Variants in PXDNL observed in about 807,000 individuals in gnomAD.
PXDNL encodes peroxidasin like.
A neutral mutation model predicts 150.8 loss-of-function variants in PXDNL; 145 were observed. The ratio of observed to expected loss-of-function variants is 0.96; its 90% CI spans 0.84 to 1.10. PXDNL has a LOEUF of 1.10. Among genes scored for constraint, PXDNL ranks in the 50% least tolerant of loss-of-function variants. PXDNL has a pLI of 0.00. For missense variants in PXDNL, 2,087 were observed against 1,873.9 expected, an observed-to-expected ratio of 1.11 and a Z score of -2.10; for synonymous variants, 757 against 725.7, an observed-to-expected ratio of 1.04 and a Z score of -0.69.
intron 2 of PXDNL, among the ~76,000 whole-genome samples, chr8:51,598,946 T>C (rs72638055): frequency 0.027 from 4,154 of 152,268 alleles, 92 homozygotes; most frequent in Non-Finnish European, 0.042. Context: ...ATTTCAATTT[T>C]TTCCTGATTC....
intron 21 of PXDNL, among the ~76,000 whole-genome samples, chr8:51,327,644 C>A (rs182222377): frequency 1.3e-5 from 2 of 152,236 alleles, no homozygotes; most frequent in Non-Finnish European, 1.5e-5. Flanking sequence ...GCCCATAAAC[C>A]TGAAGAACCA....
chr8:51,426,717 C>G lies in PXDNL; in HGVS notation c.1567G>C (p.Glu523Gln), dbSNP rs771011375. The G allele has an allele frequency of 2.5e-6, 4 of 1,606,554 alleles. No individual in the cohort carries two copies. Among genetic ancestry groups the G allele is most frequent in the Admixed American group, 3.4e-5 (2 of 59,104 alleles). ...GAAATGTTTATATTCTTTCCAACCTCGACACTTGTATCCTGAGGAAGTTGA... is the reference window on the plus strand; with the variant it reads ...GAAATGTTTATATTCTTTCCAACCTGGACACTTGTATCCTGAGGAAGTTGA... ...FTQLPQDTSVEVGKNINISCH... is the reference protein window; with the variant it reads ...FTQLPQDTSVQVGKNINISCH... Residue 523 changes from glutamate (E) to glutamine (Q), a missense_variant, in exon 13 of 23, where the codon GAG becomes CAG. Coordinates refer to ENST00000356297, the MANE Select transcript of PXDNL (RefSeq NM_144651.5).
chr8:51,415,060 G>A (rs927385044), intron 14 of PXDNL, among the ~76,000 whole-genome samples: 7 of 148,950 alleles, frequency 4.7e-5, no homozygotes, highest in East Asian at 1.9e-4. Flanking sequence ...CTTCTTTGGC[G>A]GGGGGGAGAT....
At chr8:51,790,673 GGAA>G (rs1365385475) in intron 1 of PXDNL, among the ~76,000 whole-genome samples, 2 of 151,952 alleles carry the variant, frequency 1.3e-5, no homozygotes, top group African/African-American at 4.8e-5. Flanking sequence ...GATGGGCGAG[GGAA>G]GGGCCTGGAG....
intron 1 of PXDNL, among the ~76,000 whole-genome samples, chr8:51,736,044 C>G (rs1429182943): frequency 6.6e-6 from 1 of 152,130 alleles, no homozygotes; most frequent in East Asian, 1.9e-4. Flanking sequence ...GGCCTGTACC[C>G]TTGAGAGAGC....
chr8:51,533,775 G>C (rs528676449), intron 4 of PXDNL, among the ~76,000 whole-genome samples: 3,471 of 150,386 alleles, frequency 0.023, 49 homozygotes, highest in Non-Finnish European at 0.03. Context: ...ACGGAGTCTC[G>C]TTCACTCAGT....
At position 51,341,849 on chromosome 8, in the gene PXDNL, C is replaced by T. The variant is rs142432016; in HGVS notation, c.4017-2096G>A. Among the ~76,000 whole-genome samples the T allele has an allele frequency of 4.3e-4, 66 of 152,264 alleles. No individual in the cohort carries two copies. In the East Asian group the frequency reaches 0.011, roughly 24 times the overall value. On this transcript the variant is annotated intron_variant, in intron 20 of 22. Coordinates refer to ENST00000356297, the MANE Select transcript of PXDNL (RefSeq NM_144651.5). ...AAAAATGTTAGTGAAGATTATACAA[C>T]GTTGGTGGAAATGTGGGTTGGAGTA...
At chr8:51,590,629 C>A (rs896557584) in intron 3 of PXDNL, among the ~76,000 whole-genome samples, 1 of 152,174 alleles carries the variant, frequency 6.6e-6, no homozygotes, top group African/African-American at 2.4e-5. Flanking sequence ...TAACTTAGGG[C>A]CTCTTGCTCC....
At chr8:51,447,974 G>A (rs1438346075) in intron 11 of PXDNL, among the ~76,000 whole-genome samples, 1 of 152,180 alleles carries the variant, frequency 6.6e-6, no homozygotes. Context: ...TTTGCTCAAG[G>A]TCACATGATA....
chr8:51,790,883 T>A (rs2037506468), intron 1 of PXDNL, among the ~76,000 whole-genome samples: 1 of 68,008 alleles, frequency 1.5e-5, no homozygotes, highest in African/African-American at 2.9e-5. Context: ...ATCATTTTTG[T>A]AATCTTTGTA....
At chr8:51,550,177 G>C (rs1366890355) in intron 4 of PXDNL, among the ~76,000 whole-genome samples, 1 of 152,022 alleles carries the variant, frequency 6.6e-6, no homozygotes, top group Non-Finnish European at 1.5e-5. Context: ...TAGTGAGATT[G>C]AACCAGTAAT....
intron 12 of PXDNL, among the ~76,000 whole-genome samples, chr8:51,435,259 T>A (rs1447799378): frequency 6.6e-6 from 1 of 151,968 alleles, no homozygotes; most frequent in East Asian, 1.9e-4. Flanking sequence ...AAGTGAAGGT[T>A]GCAGTGAGCC....
intron 1 of PXDNL, among the ~76,000 whole-genome samples, chr8:51,680,883 G>T (rs538113591): frequency 6.6e-6 from 1 of 152,318 alleles, no homozygotes; most frequent in African/African-American, 2.4e-5. Context: ...GCAGGAGATG[G>T]TGCTATTTTA....
At chr8:51,750,730 C>T (rs2037038034) in intron 1 of PXDNL, among the ~76,000 whole-genome samples, 1 of 152,202 alleles carries the variant, frequency 6.6e-6, no homozygotes, top group South Asian at 2.1e-4. Context: ...AAGTCCTTTT[C>T]TTCAAGCCAG....
At chr8:51,485,910 T>C (rs564015769) in intron 5 of PXDNL, among the ~76,000 whole-genome samples, 4 of 152,330 alleles carry the variant, frequency 2.6e-5, no homozygotes, top group African/African-American at 7.2e-5. Context: ...TTCCTTATCT[T>C]AAGGAACACT....
chr8:51,394,421 C>A (rs2130847601), intron 17 of PXDNL, among the ~76,000 whole-genome samples: 1 of 152,252 alleles, frequency 6.6e-6, no homozygotes, highest in Admixed American at 6.5e-5. Flanking sequence ...AATTATAACT[C>A]TGAAGAGGAA....
At position 51,778,179 on chromosome 8, in the gene PXDNL, T is replaced by C. The variant is rs548753978; in HGVS notation, c.164+31002A>G. 2.9e-4 allele frequency among the ~76,000 whole-genome samples: 44 copies of C among 151,424 alleles called. No homozygotes were observed. In the South Asian group the frequency reaches 9.0e-3, roughly 31 times the overall value. ...ATGAAACCCCTACTAAAAATGAAGC[T>C]GAGGCAGGAGAATGGTGTGAACCCA... On this transcript the variant is annotated intron_variant, in intron 1 of 22. Coordinates refer to ENST00000356297, the MANE Select transcript of PXDNL (RefSeq NM_144651.5).
intron 19 of PXDNL, among the ~76,000 whole-genome samples, chr8:51,356,859 T>C (rs984788665): frequency 1.1e-3 from 173 of 152,224 alleles, no homozygotes; most frequent in African/African-American, 3.9e-3. Flanking sequence ...TCTTGGTTCC[T>C]TATCTTTTCT....
At chr8:51,629,269 C>A (rs1333622411) in intron 2 of PXDNL, among the ~76,000 whole-genome samples, 1 of 151,982 alleles carries the variant, frequency 6.6e-6, no homozygotes, top group Non-Finnish European at 1.5e-5. Flanking sequence ...AATACAGTAG[C>A]CAAATGAAAG....
Sources: gnomAD v4.1 joint callset for allele counts (sites outside exome capture counted in the v4.1 genomes callset) on GRCh38, gnomAD v4.1.1 for gene constraint, MANE v1.5 for transcripts, NCBI Gene and HGNC (gene_info 2026-07-23, HGNC 2026-07-21) for gene names.